PIEZO1: variants seen among roughly 807,000 people sequenced by gnomAD.
PIEZO1 encodes the protein piezo-type mechanosensitive ion channel component 1.
PIEZO1 carries 296 observed loss-of-function variants against 297.2 expected under a neutral mutation model. The observed-to-expected ratio is 1.00, with a 90% confidence interval of 0.91 to 1.10. The LOEUF (loss-of-function observed/expected upper bound fraction) is 1.10, where lower values mean the gene tolerates loss of function less well. Among genes scored for constraint, PIEZO1 ranks in the 50% least tolerant of loss-of-function variants. PIEZO1 has a pLI of 0.00. For synonymous variants in PIEZO1, 2,427 were observed against 1,507.5 expected (o/e 1.61, Z -14.13); for missense variants, 5,018 against 3,455.5 (o/e 1.45, Z -11.34).
intron 43 of PIEZO1, 39 bp downstream of exon 43, chr16:88,719,762 GC>G: frequency 6.5e-7 from 1 of 1,550,280 alleles, no homozygotes; most frequent in Non-Finnish European, 8.7e-7. Flanking sequence ...GCTCCCTCAT[GC>G]CCGGGCCGTG....
intron 1 of PIEZO1, among the ~76,000 whole-genome samples, chr16:88,780,392 A>G (rs1045418061): frequency 2.2e-4 from 29 of 133,486 alleles, no homozygotes; most frequent in South Asian, 7.4e-4. Context: ...GGGTGGGGGT[A>G]GGGGAAGGGG....
intron 1 of PIEZO1, among the ~76,000 whole-genome samples, chr16:88,776,974 C>T (rs1907695673): frequency 6.6e-6 from 1 of 151,000 alleles, no homozygotes; most frequent in Non-Finnish European, 1.5e-5. Context: ...TCAGGATTTT[C>T]TTCTTCTTCT....
Position 88,773,280 on chromosome 16 carries a change from C to CA in PIEZO1, c.64+11620dup, listed in dbSNP as rs557723103. Reference sequence around the variant, plus strand: ...GGAGGCCTGAGTCAGGACAGCCCTCCAAGAGTGGGCAGCCAACGAGGGACC... The same window carrying CA: ...GGAGGCCTGAGTCAGGACAGCCCTCCAAAGAGTGGGCAGCCAACGAGGGACC... On this transcript the variant is annotated intron_variant, in intron 1 of 50. Transcript: ENST00000301015. 8.0e-3 allele frequency among the ~76,000 whole-genome samples: 1,216 copies of CA among 152,360 alleles called. 11 individuals are homozygous for CA. Among genetic ancestry groups the CA allele is most frequent in the Admixed American group, 0.013 (193 of 15,306 alleles).
At chr16:88,736,931 G>A (rs1284308976) in intron 10 of PIEZO1, 192 bp from the exon 11 acceptor site, 8 of 486,300 alleles carry the variant, frequency 1.6e-5, no homozygotes, top group Non-Finnish European at 2.6e-5. Context: ...GGCCCTGCCA[G>A]CACCTGCCGT....
chr16:88,716,542 C>G lies in PIEZO1; in HGVS notation c.6926+17G>C. On this transcript the variant is annotated intron_variant, in intron 47 of 50. Coordinates refer to ENST00000301015, the MANE Select transcript of PIEZO1 (RefSeq NM_001142864.4). ...TGGGTCCACCCACCCAGGCACTGCC[C>G]CAAGTCCAGGACGAACCTCTGGAAG... 2 of 1,538,670 alleles carry G rather than the reference C, an allele frequency of 1.3e-6. No individual in the cohort carries two copies. Among genetic ancestry groups the G allele is most frequent in the Non-Finnish European group, 1.8e-6 (2 of 1,139,262 alleles).
In PIEZO1 at chr16:88,720,495, G is replaced by A. The variant is rs1912354894; in HGVS notation, c.5839C>T (p.His1947Tyr). The A allele has an allele frequency of 2.6e-6, 4 of 1,550,236 alleles. No individual in the cohort carries two copies. The highest frequency in any genetic ancestry group is 3.5e-6 in the Non-Finnish European group (4 of 1,146,974). ...CGGTACTTGGTGTGCAGGATGTCGTGGAAGAAGCGCCGTAGCGGCCGATAT... is the reference window on the plus strand; with the variant it reads ...CGGTACTTGGTGTGCAGGATGTCGTAGAAGAAGCGCCGTAGCGGCCGATAT... ...GTYRPLRRFF[H>Y]DILHTKYRAA... Residue 1947 changes from histidine (H) to tyrosine (Y), a missense_variant, in exon 41 of 51, where the codon CAC (histidine) becomes TAC (tyrosine). Transcript: ENST00000301015.
Position 88,736,736 on chromosome 16 carries a change from C to T in PIEZO1, c.1199G>A (p.Arg400Gln), listed in dbSNP as rs139100986. 1,475 of 1,525,652 alleles carry T rather than the reference C, an allele frequency of 9.7e-4. 6 individuals carry two copies. The African/African-American group carries it at 0.013, about 14-fold the overall frequency. The allele number at this position is 1,525,652 out of a possible 1,614,324, so 94.5% of individuals were successfully genotyped here. ...CTCCCTGGGCTCAGCCCGCTTGGGC[C>T]GCACTGCAGGTGGGGACAGCGGTCA... ...GQSSVLRRPV[R>Q]PKRAEPREAS... The change falls in exon 11 of 51, where the codon CGG becomes CAG. Residue 400 changes from arginine (R) to glutamine (Q), a missense_variant. Arg to Gln is a conservative substitution (Grantham distance 43, BLOSUM62 1). Transcript: ENST00000301015.
chr16:88,717,147 A>C lies in PIEZO1; in HGVS notation c.6536T>G (p.Ile2179Ser). Reference protein sequence around the residue: ...KIVKYGMGGLIILFLIAIIWF... With the variant: ...KIVKYGMGGLSILFLIAIIWF... ...GATGATGGCGATGAGGAAGAGGATG[A>C]TGAGGCCACCCATGCCGTACTTGAC... The change falls in exon 45 of 51, where the codon ATC (isoleucine) becomes AGC (serine). Residue 2179 changes from isoleucine to serine, a missense_variant. Physicochemically the swap from Ile to Ser is moderately radical, Grantham distance 142. Coordinates refer to ENST00000301015, the MANE Select transcript of PIEZO1 (RefSeq NM_001142864.4). The C allele has an allele frequency of 2.6e-6, 4 of 1,551,336 alleles. No individual in the cohort carries two copies. The highest frequency in any genetic ancestry group is 3.5e-6 in the Non-Finnish European group (4 of 1,147,220).
Position 88,721,319 on chromosome 16 carries a change from C to A in PIEZO1, c.5515G>T (p.Glu1839Ter). The change falls in exon 39 of 51, where the codon GAA (glutamate) becomes TAA (stop). Residue 1839 changes from glutamate (E) to a stop codon, truncating the protein, a stop_gained. Coordinates refer to ENST00000301015, the MANE Select transcript of PIEZO1 (RefSeq NM_001142864.4). LOFTEE classifies it high-confidence loss of function. ...EGPGVPAATT[E>*]DHIQVEARVG... Reference sequence around the variant, plus strand: ...CTGGCTTCCACCTGAATGTGGTCTTCGGTGGTGGCCGCAGGCACCCCTGGC... The same window carrying A: ...CTGGCTTCCACCTGAATGTGGTCTTAGGTGGTGGCCGCAGGCACCCCTGGC... 6.5e-7 allele frequency: 1 copy of A among 1,546,272 alleles called. No individual in the cohort carries two copies. Among genetic ancestry groups the A allele is most frequent in the South Asian group, 1.2e-5 (1 of 84,048 alleles).
At chr16:88,734,200 G>T in intron 16 of PIEZO1, 146 bp from the exon 17 acceptor site, 1 of 1,218,178 alleles carries the variant, frequency 8.2e-7, no homozygotes, top group Non-Finnish European at 1.1e-6. Context: ...CACTGTCCCT[G>T]TGACCTCCAC....
At position 88,719,653 on chromosome 16, in the gene PIEZO1, A is replaced by G; in HGVS notation, c.6392T>C (p.Leu2131Pro). The part of the protein sequence containing the change: ...VMDWVWTDTT[L>P]SLSSWMCVED... ...CACACACATCCAGCTGGACAGGGAC[A>G]GCGTGGTGTCCGTCCACACCCAGTC... Residue 2131 changes from leucine (L) to proline (P), a missense_variant, in exon 44 of 51, where the codon CTG becomes CCG. Leu to Pro is a moderately conservative substitution (Grantham distance 98). Coordinates refer to ENST00000301015, the MANE Select transcript of PIEZO1 (RefSeq NM_001142864.4). The G allele has an allele frequency of 1.3e-6, 2 of 1,554,240 alleles. No homozygotes were observed. Among genetic ancestry groups the G allele is most frequent in the Admixed American group, 1.9e-5 (1 of 51,520 alleles).
Position 88,723,263 on chromosome 16 carries a change from C to T in PIEZO1, c.4401G>A (p.Glu1467=). 1 of 1,543,614 alleles carries T rather than the reference C, an allele frequency of 6.5e-7. No homozygotes were observed. The change falls in exon 32 of 51, where the codon GAG becomes GAA. Residue 1467 remains glutamate, a synonymous_variant. Transcript: ENST00000301015. The stretch of plus-strand genomic sequence containing the variant: ...GTCCTGCCTGTTCCTGCCTTGCCTG[C>T]TCCTGCTCCTGCTGCCGCCGCCTCA... ...AVLRRRQQEQ[E]QARQEQAGQL... is the part of the protein sequence containing the mutation.
chr16:88,755,785 C>T (rs559778921), intron 1 of PIEZO1, among the ~76,000 whole-genome samples: 50 of 152,302 alleles, frequency 3.3e-4, no homozygotes, highest in East Asian at 9.6e-4. Context: ...AGCTGCAGAG[C>T]GGCCTCACAG....
Position 88,717,011 on chromosome 16 carries a change from A to C in PIEZO1, c.6660+12T>G, listed in dbSNP as rs1246640551. 1.9e-6 allele frequency: 3 copies of C among 1,550,034 alleles called. No individual in the cohort carries two copies. Among genetic ancestry groups the C allele is most frequent in the Non-Finnish European group, 2.6e-6 (3 of 1,146,744 alleles). On this transcript the variant is annotated intron_variant, in intron 45 of 50. Coordinates refer to ENST00000301015, the MANE Select transcript of PIEZO1 (RefSeq NM_001142864.4). ...GGGATGGGAATGGACAGGCGGACCC[A>C]CACATGCTCACCTCATAGCCGCCCA...
rs190440415 is a variant in PIEZO1, at chr16:88,743,046, G to A, written c.161-624C>T. 502 of 456,496 alleles carry A rather than the reference G, an allele frequency of 1.1e-3. 6 individuals are homozygous for A. The East Asian group carries it at 0.026, about 24-fold the overall frequency. The allele number at this position is 456,496 out of a possible 1,614,324, so 28.3% of individuals were successfully genotyped here. A position where few individuals can be genotyped will look rare whatever the true frequency, so the allele number is the denominator to read the frequency against. On this transcript the variant is annotated intron_variant, in intron 2 of 50. Transcript: ENST00000301015. The stretch of plus-strand genomic sequence containing the variant: ...TGTGCACCAGGTCAGGCCCCAGACC[G>A]GCATCCTCTCTCTCTCTGTGCACCC...
At chr16:88,728,461 G>C (rs971453323) in intron 22 of PIEZO1, among the ~76,000 whole-genome samples, 3 of 149,134 alleles carry the variant, frequency 2.0e-5, no homozygotes, top group Non-Finnish European at 4.5e-5. Context: ...AGGGAACCTC[G>C]CGACCCAAAA....
intron 1 of PIEZO1, among the ~76,000 whole-genome samples, chr16:88,756,820 T>G (rs975035657): frequency 6.6e-6 from 1 of 151,592 alleles, no homozygotes; most frequent in Non-Finnish European, 1.5e-5. Flanking sequence ...CTCATGCCTG[T>G]AATCCCAGCA....
At chr16:88,783,418 G>A (rs79873915) in intron 1 of PIEZO1, among the ~76,000 whole-genome samples, 3,379 of 152,330 alleles carry the variant, frequency 0.022, 146 homozygotes, top group African/African-American at 0.075. Flanking sequence ...CTCTGCCCAA[G>A]GAGCAGCTGC....
intron 1 of PIEZO1, among the ~76,000 whole-genome samples, chr16:88,767,234 GA>G (rs1405531561): frequency 9.9e-5 from 15 of 152,198 alleles, no homozygotes; most frequent in South Asian, 6.2e-4. Flanking sequence ...AGACATTTCT[GA>G]GTTCTGGAAT....
Sources: allele counts gnomAD v4.1 joint callset (sites outside exome capture counted in the v4.1 genomes callset), GRCh38; gene constraint gnomAD v4.1.1; transcripts MANE v1.5; gene names NCBI Gene and HGNC (gene_info 2026-07-23, HGNC 2026-07-21).